The following DNAH12 variants were observed in gnomAD, a reference collection of about 807,000 sequenced individuals.
The protein encoded by DNAH12 is axonemal beta dynein heavy chain 12.
Under a neutral mutation model 371.5 loss-of-function variants are expected in DNAH12, and 285 were observed. The ratio of observed to expected loss-of-function variants is 0.77; its 90% CI spans 0.70 to 0.85. The LOEUF (loss-of-function observed/expected upper bound fraction) is 0.85, where lower values mean the gene tolerates loss of function less well. Ranked by LOEUF, DNAH12 falls within the 40% of genes least tolerant of loss-of-function variation. The pLI is 0.00. For synonymous variants in DNAH12, 1,200 were observed against 1,213.0 expected (o/e 0.99, Z 0.22); for missense variants, 3,611 against 3,689.4 (o/e 0.98, Z 0.55).
At chr3:57,533,840 A>G (rs72872511) in intron 2 of DNAH12, among the ~76,000 whole-genome samples, 2,596 of 152,272 alleles carry the variant, frequency 0.017, 66 homozygotes, top group African/African-American at 0.059. Flanking sequence ...GGAGTGGCAC[A>G]AGTACTCCCT....
chr3:57,465,044 G>A (rs2066159360), intron 17 of DNAH12, among the ~76,000 whole-genome samples: 1 of 152,184 alleles, frequency 6.6e-6, no homozygotes, highest in African/African-American at 2.4e-5. Context: ...TCACAGCTGA[G>A]TGGAAGATCT....
chr3:57,369,365 T>C (rs2063124319), intron 55 of DNAH12, among the ~76,000 whole-genome samples: 1 of 147,626 alleles, frequency 6.8e-6, no homozygotes, highest in South Asian at 2.1e-4. Flanking sequence ...TAAATAAATA[T>C]ATATAAATAA....
intron 60 of DNAH12, among the ~76,000 whole-genome samples, chr3:57,338,455 G>A (rs2062291253): frequency 6.7e-6 from 1 of 149,804 alleles, no homozygotes; most frequent in Non-Finnish European, 1.5e-5. Flanking sequence ...TCTGGGATGT[G>A]GGGAGCGCCT....
At chr3:57,421,900 G>GTTTTTTTTTTTTTTTTTTTT (rs1383551758) in intron 35 of DNAH12, among the ~76,000 whole-genome samples, 194 bp from the exon 36 acceptor site, 1 of 97,718 alleles carries the variant, frequency 1.0e-5, no homozygotes, top group African/African-American at 6.1e-5. Context: ...ATGTTTGCAT[G>GTTTTTTTTTTTTTTTTTTTT]TCTTTTTTTT....
chr3:57,473,464 C>T (rs7634725), intron 13 of DNAH12, among the ~76,000 whole-genome samples: 66,359 of 150,232 alleles, frequency 0.44, 15,728 homozygotes, highest in South Asian at 0.58. Flanking sequence ...CCAGCCTGGG[C>T]GACAGAGTGA....
intron 17 of DNAH12, among the ~76,000 whole-genome samples, chr3:57,463,836 C>T (rs1177024981): frequency 2.0e-5 from 3 of 152,008 alleles, no homozygotes; most frequent in African/African-American, 4.8e-5. Flanking sequence ...GATGCGATCT[C>T]GGCTCACTGC....
intron 29 of DNAH12, 115 bp from the exon 30 acceptor site, chr3:57,437,175 T>C: frequency 1.4e-6 from 1 of 709,366 alleles, no homozygotes; most frequent in Non-Finnish European, 2.3e-6. Flanking sequence ...TCATTGTTTA[T>C]TATTTCTTAA....
intron 12 of DNAH12, among the ~76,000 whole-genome samples, chr3:57,485,331 G>A (rs1385508066): frequency 3.9e-5 from 6 of 152,104 alleles, no homozygotes; most frequent in Admixed American, 1.3e-4. Context: ...TAGACACCAC[G>A]GAATACTACT....
chr3:57,397,032 T>C (rs1246579482), intron 43 of DNAH12, among the ~76,000 whole-genome samples: 1 of 152,078 alleles, frequency 6.6e-6, no homozygotes, highest in Non-Finnish European at 1.5e-5. Flanking sequence ...CTCAAAAAAA[T>C]AGATATTAAT....
chr3:57,541,889 A>G (rs1371642231), intron 2 of DNAH12, among the ~76,000 whole-genome samples: 1 of 152,198 alleles, frequency 6.6e-6, no homozygotes, highest in Non-Finnish European at 1.5e-5. Context: ...CTGCAAAAAA[A>G]GGTTTTTAAA....
chr3:57,398,357 A>G (rs2063787595), intron 43 of DNAH12, among the ~76,000 whole-genome samples: 1 of 152,218 alleles, frequency 6.6e-6, no homozygotes, highest in Non-Finnish European at 1.5e-5. Context: ...AGAGAAAGAG[A>G]GGACAGAGAG....
chr3:57,295,497 A>T (rs1246974146), intron 73 of DNAH12, 28 bp downstream of exon 73: 2 of 1,539,212 alleles, frequency 1.3e-6, no homozygotes, highest in Admixed American at 2.0e-5. Context: ...CCTAAACTTC[A>T]AATAAATTTT....
rs1364975930 is a variant in DNAH12, at chr3:57,408,215, T to C, written c.6276+65A>G. The C allele has an allele frequency of 3.5e-6, 5 of 1,429,926 alleles. No homozygotes were observed. In the African/African-American group the frequency reaches 7.3e-5, roughly 21 times the overall value. The allele number at this position is 1,429,926 out of a possible 1,614,324, so 88.6% of individuals were successfully genotyped here. On this transcript the variant is annotated intron_variant, in intron 40 of 73. Transcript: ENST00000495027. Reference sequence around the variant, plus strand: ...ACCAAAGCAGATAGCATCAAAAAAATAAAATAAGCGCCAAATGAGGGAAAT... The same window carrying C: ...ACCAAAGCAGATAGCATCAAAAAAACAAAATAAGCGCCAAATGAGGGAAAT...
At chr3:57,477,599 G>C (rs1237350116) in intron 13 of DNAH12, among the ~76,000 whole-genome samples, 2 of 152,268 alleles carry the variant, frequency 1.3e-5, no homozygotes, top group Admixed American at 6.5e-5. Context: ...CATGCAGCTG[G>C]AGATCTGAGA....
chr3:57,385,986 T>G (rs1179339809), intron 47 of DNAH12, among the ~76,000 whole-genome samples: 1 of 151,980 alleles, frequency 6.6e-6, no homozygotes, highest in Non-Finnish European at 1.5e-5. Context: ...CTCAGAGTAT[T>G]CCTGATATAT....
intron 23 of DNAH12, 136 bp downstream of exon 23, chr3:57,454,639 G>T (rs1376849003): frequency 1.7e-6 from 2 of 1,193,200 alleles, no homozygotes; most frequent in African/African-American, 3.1e-5. Flanking sequence ...GGAGGTTGAA[G>T]TGGGAGGATT....
At chr3:57,539,528 T>C (rs888317746) in intron 2 of DNAH12, among the ~76,000 whole-genome samples, 2 of 152,136 alleles carry the variant, frequency 1.3e-5, no homozygotes, top group Admixed American at 6.6e-5. Flanking sequence ...TCTGGATCTC[T>C]CCTTACATAT....
chr3:57,322,737 C>T (rs140789665), intron 64 of DNAH12, among the ~76,000 whole-genome samples: 3,586 of 152,250 alleles, frequency 0.024, 65 homozygotes, highest in Admixed American at 0.035. Context: ...CGAGACCAGG[C>T]TGGCTGACAT....
At chr3:57,486,698 T>C (rs1344704413) in intron 12 of DNAH12, among the ~76,000 whole-genome samples, 2 of 151,874 alleles carry the variant, frequency 1.3e-5, no homozygotes, top group Non-Finnish European at 2.9e-5. Context: ...CACACAAATA[T>C]GTACACTGTT....
Sources: allele counts gnomAD v4.1 joint callset (sites outside exome capture counted in the v4.1 genomes callset), GRCh38; gene constraint gnomAD v4.1.1; transcripts MANE v1.5; gene names NCBI Gene and HGNC (gene_info 2026-07-23, HGNC 2026-07-21).